The following CCDC66 variants were observed in gnomAD, a reference collection of about 807,000 sequenced individuals.
CCDC66 encodes the protein coiled-coil domain-containing protein 66.
Under a neutral mutation model 128.3 loss-of-function variants are expected in CCDC66, and 133 were observed. The observed-to-expected ratio is 1.04, with a 90% CI of 0.90 to 1.20. CCDC66 has a LOEUF of 1.20. Among genes scored for constraint, CCDC66 ranks in the 50% most tolerant of loss-of-function variants. The pLI is 0.00. For missense variants in CCDC66, 1,126 were observed against 1,075.5 expected, an observed-to-expected ratio of 1.05 and a Z score of -0.66; for synonymous variants, 387 against 357.0, an observed-to-expected ratio of 1.08 and a Z score of -0.95.
At chr3:56,566,923 T>C (rs750514030) in intron 5 of CCDC66, 27 bp from the exon 6 acceptor site, 7 of 1,578,402 alleles carry the variant, frequency 4.4e-6, no homozygotes, top group Non-Finnish European at 6.1e-6. Flanking sequence ...TGATACAGTT[T>C]CTGTTATCTT....
At chr3:56,580,471 TTGCTCATTAGTTGA>T (rs1454441960) in intron 7 of CCDC66, among the ~76,000 whole-genome samples, 1 of 151,890 alleles carries the variant, frequency 6.6e-6, no homozygotes, top group Non-Finnish European at 1.5e-5. Flanking sequence ...GCTGGTTATT[TTGCTCATTAGTTGA>T]TGCAGTTTCT....
intron 13 of CCDC66, 114 bp downstream of exon 13, chr3:56,616,167 G>C (rs769190764): frequency 5.4e-5 from 49 of 907,366 alleles, no homozygotes; most frequent in Non-Finnish European, 7.7e-5. Flanking sequence ...GAGGTTTTCA[G>C]TAAGAGTTAC....
intron 7 of CCDC66, among the ~76,000 whole-genome samples, chr3:56,582,279 T>C (rs1042899511): frequency 6.6e-6 from 1 of 151,846 alleles, no homozygotes; most frequent in African/African-American, 2.4e-5. Flanking sequence ...AGTATTAGGG[T>C]GGGAGTGTCC....
intron 10 of CCDC66, among the ~76,000 whole-genome samples, chr3:56,599,972 G>C (rs2072858541): frequency 6.6e-6 from 1 of 151,940 alleles, no homozygotes; most frequent in Admixed American, 6.6e-5. Context: ...GAGAATTATG[G>C]TTTCCAGCTT....
At chr3:56,598,044 G>A (rs282536) in intron 10 of CCDC66, among the ~76,000 whole-genome samples, 57,934 of 151,490 alleles carry the variant, frequency 0.38, 13,709 homozygotes, top group Non-Finnish European at 0.54. Context: ...CCAAAGTGCT[G>A]GGATTTCAGG....
At chr3:56,580,540 G>T (rs1434733358) in intron 7 of CCDC66, among the ~76,000 whole-genome samples, 1 of 151,796 alleles carries the variant, frequency 6.6e-6, no homozygotes, top group African/African-American at 2.4e-5. Context: ...TTTTGCAGTG[G>T]CTGGTACCGG....
At chr3:56,561,941 C>T (rs934104085) in intron 3 of CCDC66, among the ~76,000 whole-genome samples, 1 of 151,984 alleles carries the variant, frequency 6.6e-6, no homozygotes, top group African/African-American at 2.4e-5. Flanking sequence ...ATAGTTTGTT[C>T]TTTAAACACA....
chr3:56,611,629 C>T (rs2074842345), intron 10 of CCDC66, among the ~76,000 whole-genome samples: 1 of 142,364 alleles, frequency 7.0e-6, no homozygotes, highest in African/African-American at 2.6e-5. Flanking sequence ...TTACAAAGTT[C>T]ATCTAGAGAA....
In CCDC66 at chr3:56,615,180, AG is replaced by A. The variant is rs746712956; in HGVS notation, c.1621del (p.Glu541AsnfsTer6). 3.1e-6 allele frequency: 5 copies of A among 1,614,042 alleles called. No individual in the cohort carries two copies. Among genetic ancestry groups the A allele is most frequent in the East Asian group, 2.2e-5 (1 of 44,886 alleles). On this transcript the variant is annotated frameshift_variant, in exon 12 of 18. Transcript: ENST00000394672. LOFTEE classifies it high-confidence loss of function. The stretch of plus-strand genomic sequence containing the variant: ...CTATTCCAGACAATGCAGCGAGCAC[AG>A]GAACTGGCACAGAGACTAAAACAAG... ...NELFQTMQRA[Q>X]ELAQRLKQEQ...
intron 7 of CCDC66, among the ~76,000 whole-genome samples, chr3:56,592,055 C>G (rs2071005671): frequency 6.6e-6 from 1 of 152,142 alleles, no homozygotes; most frequent in African/African-American, 2.4e-5. Flanking sequence ...TTTTATGCTA[C>G]TGTTTTCATT....
Position 56,619,920 on chromosome 3 carries a change from G to A in CCDC66, c.2760+19G>A. On this transcript the variant is annotated intron_variant, in intron 17 of 17. Transcript: ENST00000394672. ...GAGACAGGTATGAGCTTTTTCAAGT[G>A]TAGATATGTCTGTTCTTTATGTGGC... 5 of 1,612,112 alleles carry A rather than the reference G, an allele frequency of 3.1e-6. No individual in the cohort carries two copies. Among genetic ancestry groups the A allele is most frequent in the Non-Finnish European group, 4.2e-6 (5 of 1,179,020 alleles).
rs2065959666 is a variant in CCDC66, at chr3:56,567,105, A to G, written c.814+52A>G. Reference sequence around the variant, plus strand: ...AGTTTTATTGGCTTAAAGAATATGTATTGAAGCCGGGCACGGTGGCTCACA... The same window carrying G: ...AGTTTTATTGGCTTAAAGAATATGTGTTGAAGCCGGGCACGGTGGCTCACA... On this transcript the variant is annotated intron_variant, in intron 6 of 17. Transcript: ENST00000394672. 4 of 1,421,270 alleles carry G rather than the reference A, an allele frequency of 2.8e-6. No homozygotes were observed. The African/African-American group carries it at 4.2e-5, about 15-fold the overall frequency. The allele number at this position is 1,421,270 out of a possible 1,614,324, so 88.0% of individuals were successfully genotyped here.
chr3:56,616,222 A>C, intron 13 of CCDC66, 169 bp downstream of exon 13: 1 of 535,852 alleles, frequency 1.9e-6, no homozygotes, highest in Non-Finnish European at 3.2e-6. Context: ...CATGTACCAC[A>C]AAATTTATCC....
At chr3:56,611,994 G>A (rs1285176997) in intron 10 of CCDC66, among the ~76,000 whole-genome samples, 1 of 152,150 alleles carries the variant, frequency 6.6e-6, no homozygotes, top group East Asian at 1.9e-4. Context: ...AGGATTGCTG[G>A]TCTGTTCTTG....
chr3:56,567,257 G>T (rs2065978733), intron 6 of CCDC66, among the ~76,000 whole-genome samples: 1 of 152,158 alleles, frequency 6.6e-6, no homozygotes, highest in Non-Finnish European at 1.5e-5. Flanking sequence ...GGGCGTGGTG[G>T]TGCACGCCTG....
At chr3:56,583,887 C>G (rs1282329516) in intron 7 of CCDC66, among the ~76,000 whole-genome samples, 1 of 139,550 alleles carries the variant, frequency 7.2e-6, no homozygotes, top group African/African-American at 2.8e-5. Context: ...GGCAGAGGCG[C>G]CCCCCACCTC....
At chr3:56,579,840 A>G (rs1376786360) in intron 7 of CCDC66, among the ~76,000 whole-genome samples, 2 of 151,964 alleles carry the variant, frequency 1.3e-5, no homozygotes, top group East Asian at 3.9e-4. Flanking sequence ...TTCGTGGTCA[A>G]TTTTGGAATA....
At chr3:56,582,380 A>G (rs751545322) in intron 7 of CCDC66, among the ~76,000 whole-genome samples, 1 of 151,728 alleles carries the variant, frequency 6.6e-6, no homozygotes, top group Non-Finnish European at 1.5e-5. Flanking sequence ...GCGATGCCCC[A>G]CCTGCTCCGT....
intron 3 of CCDC66, chr3:56,561,416 A>AGGCCTATAATAAAG: frequency 6.5e-5 from 23 of 354,936 alleles, no homozygotes; most frequent in South Asian, 5.4e-4. Context: ...TGGACTTTTG[A>AGGCCTATAATAAAG]TTACTAGACT....
Sources: gnomAD v4.1 joint callset for allele counts (sites outside exome capture counted in the v4.1 genomes callset) on GRCh38, gnomAD v4.1.1 for gene constraint, MANE v1.5 for transcripts, NCBI Gene and HGNC (gene_info 2026-07-23, HGNC 2026-07-21) for gene names.